The following KIAA1671 variants were observed in gnomAD, a reference collection of about 807,000 sequenced individuals.
KIAA1671 encodes KIAA1671.
A neutral mutation model predicts 131.2 loss-of-function variants in KIAA1671; 52 were observed. The observed-to-expected ratio is 0.40, with a 90% CI of 0.32 to 0.50. KIAA1671 has a LOEUF of 0.50. Among genes scored for constraint, KIAA1671 ranks in the 20% least tolerant of loss-of-function variants. The pLI, the probability that KIAA1671 is intolerant of heterozygous loss-of-function variation, is 0.73. For synonymous variants in KIAA1671, 1,003 were observed against 961.6 expected, an observed-to-expected ratio of 1.04 and a Z score of -0.80; for missense variants, 2,360 against 2,364.2, an observed-to-expected ratio of 1.00 and a Z score of 0.04.
At chr22:25,093,748 C>T (rs56376507) in intron 6 of KIAA1671, among the ~76,000 whole-genome samples, 36 of 111,460 alleles carry the variant, frequency 3.2e-4, no homozygotes, top group South Asian at 6.1e-4. Context: ...CTCTCTCTCT[C>T]TCTCTCTCTC....
At position 25,121,757 on chromosome 22, in the gene KIAA1671, C is replaced by T. The variant is rs541258256; in HGVS notation, c.4531-49063C>T. On this transcript the variant is annotated intron_variant, in intron 6 of 12. Coordinates refer to ENST00000358431, the MANE Select transcript of KIAA1671 (RefSeq NM_001145206.2). ...TAATAGACATAAGTGACGGCAAGCC[C>T]GTGGAAAATAATAAAATGTAGCAAA... Among the ~76,000 whole-genome samples the T allele has an allele frequency of 9.8e-4, 149 of 152,164 alleles. 1 individual carries two copies. Among genetic ancestry groups the T allele is most frequent in the Non-Finnish European group, 1.8e-3 (121 of 68,026 alleles).
chr22:25,028,274 C>A lies in KIAA1671; in HGVS notation c.275C>A (p.Ser92Tyr). The change falls in exon 3 of 13, where the codon TCC becomes TAC. Residue 92 changes from serine to tyrosine, a missense_variant. By Grantham distance (144) the Ser-to-Tyr change is moderately radical (BLOSUM62 -2). This residue lies in a region of KIAA1671 where 1,185 missense variants were observed against 1,126.2 expected (regional missense o/e 1.05). Transcript: ENST00000358431. ...PSLRPSSTGP[S>Y]PSGGLSEEPA... ...CTGCGGCCCAGTTCGACTGGACCTT[C>A]CCCCTCTGGGGGGCTCTCTGAGGAG... The A allele has an allele frequency of 1.3e-6, 2 of 1,551,496 alleles. No homozygotes were observed. The highest frequency in any genetic ancestry group is 1.2e-5 in the South Asian group (1 of 84,066).
intron 1 of KIAA1671, among the ~76,000 whole-genome samples, chr22:24,987,657 G>A (rs1406618643): frequency 2.6e-5 from 4 of 152,104 alleles, no homozygotes; most frequent in African/African-American, 4.8e-5. Flanking sequence ...TTTTTGTAGA[G>A]GTGGGGTCTT....
At position 25,031,643 on chromosome 22, in the gene KIAA1671, T is replaced by C. The variant is rs113114093; in HGVS notation, c.1542-966T>C. Among the ~76,000 whole-genome samples, 659 of 152,304 alleles carry C rather than the reference T, an allele frequency of 4.3e-3. 7 individuals are homozygous for C. Among genetic ancestry groups the C allele is most frequent in the African/African-American group, 0.014 (593 of 41,550 alleles). The stretch of plus-strand genomic sequence containing the variant: ...CGGCACCCGGCCTGTATTTTGGTAG[T>C]TTTTAAAAGCTTCCAAGTCGATCTT... On this transcript the variant is annotated intron_variant, in intron 3 of 12. Transcript: ENST00000358431.
At chr22:25,036,398 A>G (rs1281477198) in intron 4 of KIAA1671, among the ~76,000 whole-genome samples, 1 of 152,194 alleles carries the variant, frequency 6.6e-6, no homozygotes, top group Non-Finnish European at 1.5e-5. Context: ...GCCTTTAAAA[A>G]GAAAAAAAGT....
At chr22:25,055,751 T>A (rs1927796971) in intron 6 of KIAA1671, 1 of 149,572 alleles carries the variant, frequency 6.7e-6, no homozygotes, top group African/African-American at 2.4e-5. Context: ...TTCTTTGTTG[T>A]TGAGTTGTAG....
At chr22:25,172,933 C>A (rs1448763927) in intron 7 of KIAA1671, among the ~76,000 whole-genome samples, 1 of 152,122 alleles carries the variant, frequency 6.6e-6, no homozygotes, top group Non-Finnish European at 1.5e-5. Context: ...TACTTAAGTT[C>A]ATGAGGCCAA....
chr22:25,138,626 C>T (rs911555861), intron 6 of KIAA1671, among the ~76,000 whole-genome samples: 4 of 152,220 alleles, frequency 2.6e-5, no homozygotes, highest in Admixed American at 1.3e-4. Flanking sequence ...ACAGCCCCAT[C>T]TCTGATTTTG....
At chr22:25,000,184 GTTTTTTTTTTT>G (rs1184771280) in intron 1 of KIAA1671, among the ~76,000 whole-genome samples, 6 of 62,158 alleles carry the variant, frequency 9.7e-5, no homozygotes, top group Non-Finnish European at 1.4e-4. Flanking sequence ...CTCCTCGCCT[GTTTTTTTTTTT>G]TTTTTTTTTT....
rs1363840262 is a variant in KIAA1671 at position 25,032,666 on chromosome 22, C to T, written c.1599C>T (p.Ser533=). 1.4e-5 allele frequency: 21 copies of T among 1,546,446 alleles called. No homozygotes were observed. The highest frequency in any genetic ancestry group is 1.7e-4 in the Middle Eastern group (1 of 5,974). Residue 533 remains serine, a synonymous_variant, in exon 4 of 13, where the codon AGC becomes AGT. Transcript: ENST00000358431. Reference sequence around the variant, plus strand: ...AATATGAGAAGAGTGCTGAGCTGAGCGGCGAGTTTCCTAAGGAACCGAGAG... The same window carrying T: ...AATATGAGAAGAGTGCTGAGCTGAGTGGCGAGTTTCCTAAGGAACCGAGAG... ...EVKYEKSAEL[S]GEFPKEPREK...
At chr22:25,048,692 G>T (rs1263112846) in intron 5 of KIAA1671, among the ~76,000 whole-genome samples, 1 of 152,178 alleles carries the variant, frequency 6.6e-6, no homozygotes, top group African/African-American at 2.4e-5. Context: ...TGGAGGTGCT[G>T]TGCTGTTCAT....
At position 25,069,312 on chromosome 22, in the gene KIAA1671, A is replaced by G. The variant is rs973141177; in HGVS notation, c.4530+19948A>G. The stretch of plus-strand genomic sequence containing the variant: ...GAAGGGGTAACTGAGGCTCAGGAGG[A>G]TGAGGTGACTTGCTAAAATCATGCT... On this transcript the variant is annotated intron_variant, in intron 6 of 12. Coordinates refer to ENST00000358431, the MANE Select transcript of KIAA1671 (RefSeq NM_001145206.2). Among the ~76,000 whole-genome samples, 31 of 152,306 alleles carry G rather than the reference A, an allele frequency of 2.0e-4. No homozygotes were observed. The East Asian group carries it at 5.4e-3, about 27-fold the overall frequency.
Position 25,190,794 on chromosome 22 carries a change from G to T in KIAA1671, c.*4+10G>T. On this transcript the variant is annotated intron_variant, in intron 12 of 12. Transcript: ENST00000358431. ...AACCAAGTTTGACCAGGTATGAAGG[G>T]GCTCTGTTGGGGAACCTGGGAAGAG... 4 of 1,536,426 alleles carry T rather than the reference G, an allele frequency of 2.6e-6. No homozygotes were observed. Among genetic ancestry groups the T allele is most frequent in the Non-Finnish European group, 1.8e-6 (2 of 1,132,998 alleles).
intron 9 of KIAA1671, among the ~76,000 whole-genome samples, chr22:25,179,046 G>GC: frequency 6.6e-6 from 1 of 152,228 alleles, no homozygotes; most frequent in Admixed American, 6.5e-5. Flanking sequence ...CTCTCACAGG[G>GC]CCCCCGGGGG....
At chr22:25,094,325 A>G (rs1358069264) in intron 6 of KIAA1671, among the ~76,000 whole-genome samples, 1 of 151,762 alleles carries the variant, frequency 6.6e-6, no homozygotes, top group African/African-American at 2.4e-5. Context: ...GTACATGCAG[A>G]CCCCCAGGGT....
At chr22:25,178,504 C>CT (rs1568994273) in intron 9 of KIAA1671, among the ~76,000 whole-genome samples, 1 of 152,266 alleles carries the variant, frequency 6.6e-6, no homozygotes, top group East Asian at 1.9e-4. Context: ...CTGCAAAGCC[C>CT]TGGTGGGGAG....
intron 5 of KIAA1671, among the ~76,000 whole-genome samples, chr22:25,044,094 C>T (rs1401422296): frequency 6.6e-6 from 1 of 152,100 alleles, no homozygotes; most frequent in African/African-American, 2.4e-5. Flanking sequence ...TGTCTGTTCC[C>T]AAGAGGCCAA....
chr22:24,962,908 G>C (rs1349293845), intron 1 of KIAA1671, among the ~76,000 whole-genome samples: 1 of 152,114 alleles, frequency 6.6e-6, no homozygotes, highest in African/African-American at 2.4e-5. Flanking sequence ...CAGCCCTCCT[G>C]AGTCCTGAAG....
intron 1 of KIAA1671, among the ~76,000 whole-genome samples, chr22:25,022,099 A>G (rs1925704286): frequency 6.6e-6 from 1 of 152,122 alleles, no homozygotes; most frequent in African/African-American, 2.4e-5. Context: ...TGCATGGCTC[A>G]CTGCACAGGA....
Sources: gnomAD v4.1 joint callset for allele counts (sites outside exome capture counted in the v4.1 genomes callset) on GRCh38, gnomAD v4.1.1 for gene constraint, gnomAD v4.1.1 regional missense constraint, MANE v1.5 for transcripts, NCBI Gene and HGNC (gene_info 2026-07-23, HGNC 2026-07-21) for gene names.